CWC27: variants seen among roughly 807,000 people sequenced by gnomAD.
CWC27 encodes spliceosome-associated protein CWC27 homolog.
In CWC27, 47 loss-of-function variants were observed where a neutral mutation model predicts 63.6. The observed-to-expected ratio is 0.74, with a 90% confidence interval of 0.58 to 0.94. CWC27 has a LOEUF of 0.94. Ranked by LOEUF, CWC27 falls within the 40% of genes least tolerant of loss-of-function variation. The probability of loss-of-function intolerance (pLI) is 0.00; values close to 1 mark genes in which losing one functional copy is unlikely to be tolerated. For missense variants in CWC27, 495 were observed against 554.3 expected (o/e 0.89, Z 1.07); for synonymous variants, 175 against 179.8 (o/e 0.97, Z 0.22).
intron 10 of CWC27, among the ~76,000 whole-genome samples, chr5:64,879,052 A>G (rs1171729469): frequency 6.6e-6 from 1 of 151,942 alleles, no homozygotes; most frequent in Non-Finnish European, 1.5e-5. Flanking sequence ...TGAAGTCCTG[A>G]TGGCCCAAAC....
chr5:64,832,132 G>T (rs573951536), intron 10 of CWC27, among the ~76,000 whole-genome samples: 5 of 151,720 alleles, frequency 3.3e-5, no homozygotes, highest in South Asian at 2.1e-4. Context: ...AAATCCATTG[G>T]TTTATTTTGC....
intron 10 of CWC27, among the ~76,000 whole-genome samples, chr5:64,875,530 T>A (rs1466482984): frequency 6.6e-6 from 1 of 152,184 alleles, no homozygotes; most frequent in Non-Finnish European, 1.5e-5. Flanking sequence ...CTTTGTTGAC[T>A]CGCTTATTCC....
At chr5:64,970,444 C>T (rs537612710) in intron 11 of CWC27, among the ~76,000 whole-genome samples, 1 of 151,892 alleles carries the variant, frequency 6.6e-6, no homozygotes, top group South Asian at 2.1e-4. Flanking sequence ...GATCTTCTGA[C>T]CTCGTGATCC....
chr5:64,843,037 T>C, intron 10 of CWC27, among the ~76,000 whole-genome samples: 1 of 152,262 alleles, frequency 6.6e-6, no homozygotes, highest in Admixed American at 6.5e-5. Flanking sequence ...ATGTTAATGT[T>C]ACAAGGTTTA....
intron 10 of CWC27, among the ~76,000 whole-genome samples, chr5:64,818,490 A>G (rs928154273): frequency 1.3e-5 from 2 of 152,178 alleles, no homozygotes; most frequent in Non-Finnish European, 2.9e-5. Flanking sequence ...TATTTTAAAG[A>G]CAGGCTTTGT....
chr5:64,965,441 T>A (rs1020943372), intron 11 of CWC27, among the ~76,000 whole-genome samples: 7 of 152,230 alleles, frequency 4.6e-5, no homozygotes, highest in African/African-American at 1.7e-4. Flanking sequence ...AATTGAGGCA[T>A]AGACAACATT....
intron 13 of CWC27, among the ~76,000 whole-genome samples, chr5:64,993,866 C>A (rs1166408029): frequency 6.6e-6 from 1 of 152,004 alleles, no homozygotes; most frequent in Non-Finnish European, 1.5e-5. Context: ...ACACTGGCAA[C>A]CAAGAAACTA....
intron 11 of CWC27, among the ~76,000 whole-genome samples, chr5:64,925,556 T>G (rs1165535604): frequency 6.6e-6 from 1 of 152,176 alleles, no homozygotes; most frequent in African/African-American, 2.4e-5. Flanking sequence ...GCTGGGAAAT[T>G]AAAGGCTCTT....
intron 13 of CWC27, among the ~76,000 whole-genome samples, chr5:64,986,933 T>C (rs941151469): frequency 6.6e-6 from 1 of 152,206 alleles, no homozygotes; most frequent in East Asian, 1.9e-4. Flanking sequence ...TTTTCCAGTT[T>C]GTTTAGCTTT....
At chr5:64,881,602 A>G (rs1441767134) in intron 10 of CWC27, among the ~76,000 whole-genome samples, 1 of 152,132 alleles carries the variant, frequency 6.6e-6, no homozygotes, top group Non-Finnish European at 1.5e-5. Flanking sequence ...CCCCTAATTT[A>G]TAGTTGAATA....
In CWC27 at chr5:64,977,135, AC is replaced by A. The variant is rs1372091680; in HGVS notation, c.1156del (p.Ala387HisfsTer3). 3 of 1,575,678 alleles carry A rather than the reference AC, an allele frequency of 1.9e-6. No homozygotes were observed. In the African/African-American group the frequency reaches 4.1e-5, roughly 21 times the overall value. On this transcript the variant is annotated frameshift_variant and splice_region_variant, in exon 13 of 14. Coordinates refer to ENST00000381070, the MANE Select transcript of CWC27 (RefSeq NM_005869.4). LOFTEE classifies it high-confidence loss of function. ...CTTAGCAGTCTAATTGTTATTTCAG[AC>A]CCTTGCACTGCTGAACCAGTTTAAA... is the stretch of plus-strand genomic sequence containing the variant. ...SKKGTSREDQ[T>X]LALLNQFKSK... is the part of the protein sequence containing the mutation.
At chr5:64,913,718 G>A (rs912270821) in intron 11 of CWC27, among the ~76,000 whole-genome samples, 1 of 151,932 alleles carries the variant, frequency 6.6e-6, no homozygotes, top group African/African-American at 2.4e-5. Flanking sequence ...ATAAAATGGA[G>A]GGACATATCA....
intron 10 of CWC27, among the ~76,000 whole-genome samples, chr5:64,847,127 T>A (rs1229399752): frequency 6.6e-6 from 1 of 152,070 alleles, no homozygotes; most frequent in African/African-American, 2.4e-5. Context: ...AAGACTTAGC[T>A]ATATACTGTA....
intron 10 of CWC27, among the ~76,000 whole-genome samples, chr5:64,819,405 T>A (rs1406797973): frequency 6.6e-6 from 1 of 152,098 alleles, no homozygotes; most frequent in Non-Finnish European, 1.5e-5. Context: ...TTTGGCTATG[T>A]CCCCACCCAA....
intron 8 of CWC27, 48 bp from the exon 9 acceptor site, chr5:64,801,253 GT>G: frequency 2.2e-6 from 3 of 1,364,194 alleles, no homozygotes. Context: ...AAATAATTGT[GT>G]TAGTTTTACC....
chr5:64,975,652 C>T (rs1749216055), intron 12 of CWC27, among the ~76,000 whole-genome samples: 1 of 152,004 alleles, frequency 6.6e-6, no homozygotes, highest in Non-Finnish European at 1.5e-5. Context: ...CAAGAATTCA[C>T]AGTCATGTTC....
intron 11 of CWC27, among the ~76,000 whole-genome samples, chr5:64,914,139 T>G (rs916804469): frequency 3.3e-5 from 5 of 152,144 alleles, no homozygotes; most frequent in Non-Finnish European, 7.4e-5. Context: ...GACTTTTAAC[T>G]CACACCAGAC....
At chr5:64,933,799 ACATTTTTCT>A (rs1748289790) in intron 11 of CWC27, among the ~76,000 whole-genome samples, 1 of 152,140 alleles carries the variant, frequency 6.6e-6, no homozygotes, top group South Asian at 2.1e-4. Context: ...CCACATGCAT[ACATTTTTCT>A]CTTGAACTAT....
At chr5:64,922,389 CCT>C (rs1404544360) in intron 11 of CWC27, among the ~76,000 whole-genome samples, 1 of 152,134 alleles carries the variant, frequency 6.6e-6, no homozygotes, top group Non-Finnish European at 1.5e-5. Flanking sequence ...CAGTCTTCAA[CCT>C]CTGAGATTCT....
Sources: allele counts gnomAD v4.1 joint callset (sites outside exome capture counted in the v4.1 genomes callset), GRCh38; gene constraint gnomAD v4.1.1; transcripts MANE v1.5; gene names NCBI Gene and HGNC (gene_info 2026-07-23, HGNC 2026-07-21).